The following VWA2 variants were observed in gnomAD, a reference collection of about 807,000 sequenced individuals.
The protein encoded by VWA2 is von Willebrand factor A domain-containing protein 2.
VWA2 carries 73 observed loss-of-function variants against 70.4 expected under a neutral mutation model. The ratio of observed to expected loss-of-function variants is 1.04; its 90% CI spans 0.86 to 1.26. The LOEUF (loss-of-function observed/expected upper bound fraction) is 1.26. Ranked by LOEUF, VWA2 falls within the 50% of genes most tolerant of loss-of-function variation. The pLI is 0.00. For synonymous variants in VWA2, 407 were observed against 423.3 expected (o/e 0.96, Z 0.47); for missense variants, 1,011 against 998.5 (o/e 1.01, Z -0.17).
intron 11 of VWA2, among the ~76,000 whole-genome samples, chr10:114,287,588 C>G (rs1267480322): frequency 1.3e-5 from 2 of 152,186 alleles, no homozygotes; most frequent in Admixed American, 6.5e-5. Context: ...GAGAGGCTTT[C>G]CCTCCTGTAA....
intron 1 of VWA2, among the ~76,000 whole-genome samples, chr10:114,240,180 G>A (rs567921398): frequency 2.6e-5 from 4 of 152,298 alleles, no homozygotes; most frequent in South Asian, 2.1e-4. Flanking sequence ...GGAAGTCCAG[G>A]GGTTTGTCGT....
chr10:114,243,108 A>T (rs2037002898), intron 1 of VWA2, among the ~76,000 whole-genome samples: 1 of 152,188 alleles, frequency 6.6e-6, no homozygotes, highest in African/African-American at 2.4e-5. Context: ...TGTACAATTT[A>T]AAGCATTTTC....
At position 114,293,262 on chromosome 10, in the gene VWA2, C is replaced by T. The variant is rs543017171; in HGVS notation, c.*2025C>T. Reference sequence around the variant, plus strand: ...CGTCCGGGGCAGGATCACATGCTCCCTAGCAGATGCTGATCAGTGATGTCA... The same window carrying T: ...CGTCCGGGGCAGGATCACATGCTCCTTAGCAGATGCTGATCAGTGATGTCA... On this transcript the variant is annotated 3_prime_UTR_variant, in exon 14 of 14. Transcript: ENST00000392982. Among the ~76,000 whole-genome samples, 12 of 152,322 alleles carry T rather than the reference C, an allele frequency of 7.9e-5. No individual in the cohort carries two copies. The highest frequency in any genetic ancestry group is 3.9e-4 in the Admixed American group (6 of 15,306).
chr10:114,259,014 G>A (rs778692100), intron 4 of VWA2, among the ~76,000 whole-genome samples: 4 of 152,022 alleles, frequency 2.6e-5, no homozygotes, highest in Non-Finnish European at 4.4e-5. Context: ...CTGTGATCTC[G>A]TAAATAACAT....
At chr10:114,291,191 G>A (rs1183204928) in intron 13 of VWA2, 27 bp from the exon 14 acceptor site, 11 of 1,550,268 alleles carry the variant, frequency 7.1e-6, no homozygotes, top group East Asian at 2.4e-5. Context: ...AGACACTCCT[G>A]TCCTCAGACT....
chr10:114,290,130 G>A (rs1287275516), intron 12 of VWA2, 110 bp from the exon 13 acceptor site: 1 of 1,426,502 alleles, frequency 7.0e-7, no homozygotes, highest in Admixed American at 2.2e-5. Context: ...GGGGCAAAGG[G>A]AGACATGACT....
chr10:114,269,285 A>G (rs2037652339), intron 5 of VWA2, among the ~76,000 whole-genome samples: 1 of 152,306 alleles, frequency 6.6e-6, no homozygotes, highest in Non-Finnish European at 1.5e-5. Flanking sequence ...CAGACCCATT[A>G]GAAAATCTGG....
rs902484202 is a variant in VWA2 at position 114,291,905 on chromosome 10, G to A, written c.*668G>A. Among the ~76,000 whole-genome samples, 4 of 152,190 alleles carry A rather than the reference G, an allele frequency of 2.6e-5. No individual in the cohort carries two copies. The highest frequency in any genetic ancestry group is 5.9e-5 in the Non-Finnish European group (4 of 68,042). On this transcript the variant is annotated 3_prime_UTR_variant, in exon 14 of 14. Coordinates refer to ENST00000392982, the MANE Select transcript of VWA2 (RefSeq NM_001272046.2). ...TGATGATGGGGGAGGGGCTGAGTGT[G>A]CAATGGGCCCAGGTCTGGAGGGGCC...
intron 4 of VWA2, among the ~76,000 whole-genome samples, chr10:114,260,439 A>G (rs2037420817): frequency 6.6e-6 from 1 of 152,228 alleles, no homozygotes. Context: ...ACTGTGGTCT[A>G]GAGACCTGGC....
chr10:114,268,070 T>G (rs918416592), intron 5 of VWA2, among the ~76,000 whole-genome samples: 16 of 152,138 alleles, frequency 1.1e-4, no homozygotes, highest in Non-Finnish European at 1.5e-4. Context: ...AACAATACTA[T>G]TTCTTTCCCC....
At chr10:114,246,753 T>C in intron 1 of VWA2, 1 of 1,432,190 alleles carries the variant, frequency 7.0e-7, no homozygotes, top group African/African-American at 1.4e-5. Context: ...GAACCAGGGC[T>C]GCTGTATAAC....
In VWA2 at chr10:114,286,394, G is replaced by A. The variant is rs1307495600; in HGVS notation, c.1453G>A (p.Ala485Thr). The change falls in exon 11 of 14, where the codon GCA (alanine) becomes ACA (threonine). Residue 485 changes from alanine to threonine, a missense_variant. By Grantham distance (58) the Ala-to-Thr change is moderately conservative. Coordinates refer to ENST00000392982, the MANE Select transcript of VWA2 (RefSeq NM_001272046.2). ...LLGVGSEAVR[A>T]ELEEITGSPK... ...GGGTGTAGGCAGTGAGGCCGTGCGG[G>A]CAGAGCTGGAGGAGATCACAGGCAG... 6.2e-7 allele frequency: 1 copy of A among 1,613,864 alleles called. No individual in the cohort carries two copies. Among genetic ancestry groups the A allele is most frequent in the Non-Finnish European group, 8.5e-7 (1 of 1,180,022 alleles).
chr10:114,246,752 C>T, intron 1 of VWA2: 2 of 1,436,312 alleles, frequency 1.4e-6, no homozygotes, highest in African/African-American at 1.4e-5. Flanking sequence ...TGAACCAGGG[C>T]TGCTGTATAA....
intron 8 of VWA2, among the ~76,000 whole-genome samples, chr10:114,282,040 TACTC>T: frequency 6.7e-6 from 1 of 149,630 alleles, no homozygotes; most frequent in Non-Finnish European, 1.5e-5. Context: ...GATGGAGTCT[TACTC>T]TGTTACCCAG....
rs199562177 is a variant in VWA2, at chr10:114,278,015, G to A, written c.668G>A (p.Ser223Asn). 137 of 1,612,696 alleles carry A rather than the reference G, an allele frequency of 8.5e-5. No individual in the cohort carries two copies. The highest frequency in any genetic ancestry group is 1.1e-4 in the Non-Finnish European group (130 of 1,179,230). Residue 223 changes from serine to asparagine, a missense_variant, in exon 7 of 14, where the codon AGC becomes AAC. Coordinates refer to ENST00000392982, the MANE Select transcript of VWA2 (RefSeq NM_001272046.2). ...ACCAACGGCCTCTTCAGCACCCTCA[G>A]CAGCTCGGCCATCTGCTCCAGCGCC... ...DATNGLFSTL[S>N]SSAICSSATP...
chr10:114,292,577 G>T lies in VWA2; in HGVS notation c.*1340G>T. The stretch of plus-strand genomic sequence containing the variant: ...AGAGGCATATTTGGAATATTCTCTG[G>T]CAAACTAGATACTTACTTCCCTATC... On this transcript the variant is annotated 3_prime_UTR_variant, in exon 14 of 14. Coordinates refer to ENST00000392982, the MANE Select transcript of VWA2 (RefSeq NM_001272046.2). Among the ~76,000 whole-genome samples the T allele has an allele frequency of 6.7e-6, 1 of 150,000 alleles. No homozygotes were observed. Among genetic ancestry groups the T allele is most frequent in the Non-Finnish European group, 1.5e-5 (1 of 67,684 alleles).
intron 7 of VWA2, 124 bp downstream of exon 7, chr10:114,278,171 G>A (rs1396309505): frequency 3.8e-5 from 51 of 1,355,682 alleles, no homozygotes; most frequent in Middle Eastern, 2.7e-4. Context: ...AACAGAGACC[G>A]GCAGCCTCCA....
chr10:114,246,127 C>T (rs947346289), intron 1 of VWA2: 1 of 905,626 alleles, frequency 1.1e-6, no homozygotes, highest in Non-Finnish European at 1.7e-6. Context: ...ATCTCTGGAG[C>T]CTTGGTGTTC....
At position 114,291,466 on chromosome 10, in the gene VWA2, G is replaced by A. The variant is rs924870689; in HGVS notation, c.*229G>A. On this transcript the variant is annotated 3_prime_UTR_variant, in exon 14 of 14. Transcript: ENST00000392982. Reference sequence around the variant, plus strand: ...AAAGCAGCTGATGTCACCCACAAACGATGTTGTTGAAAAGTTTTGATGTGT... The same window carrying A: ...AAAGCAGCTGATGTCACCCACAAACAATGTTGTTGAAAAGTTTTGATGTGT... The A allele has an allele frequency of 5.6e-5, 30 of 536,094 alleles. No individual in the cohort carries two copies. The highest frequency in any genetic ancestry group is 8.4e-5 in the Non-Finnish European group (26 of 310,122). 33.2% of individuals were successfully genotyped at this position (536,094 alleles called of 1,614,324 possible). A position where few individuals can be genotyped will look rare whatever the true frequency, so the allele number is the denominator to read the frequency against.
Sources: allele counts gnomAD v4.1 joint callset (sites outside exome capture counted in the v4.1 genomes callset), GRCh38; gene constraint gnomAD v4.1.1; transcripts MANE v1.5; gene names NCBI Gene and HGNC (gene_info 2026-07-23, HGNC 2026-07-21).